ITPR2: variants seen among roughly 807,000 people sequenced by gnomAD.
ITPR2 encodes inositol 1,4,5-trisphosphate-gated calcium channel ITPR2.
A neutral mutation model predicts 317.1 loss-of-function variants in ITPR2; 207 were observed. The observed-to-expected ratio is 0.65, with a 90% CI of 0.58 to 0.73. The LOEUF (loss-of-function observed/expected upper bound fraction) is 0.73, where lower values mean the gene tolerates loss of function less well. ITPR2 is among the 30% of genes least tolerant of loss of function. The pLI, the probability that ITPR2 is intolerant of heterozygous loss-of-function variation, is 0.00. For missense variants in ITPR2, 2,613 were observed against 3,284.0 expected (o/e 0.80, Z 4.99); for synonymous variants, 1,156 against 1,149.1 (o/e 1.01, Z -0.12).
At chr12:26,410,008 C>A (rs1940490198) in intron 52 of ITPR2, among the ~76,000 whole-genome samples, 1 of 152,144 alleles carries the variant, frequency 6.6e-6, no homozygotes, top group Non-Finnish European at 1.5e-5. Flanking sequence ...GCATTTTAGC[C>A]AAGAGTCAGC....
At position 26,671,811 on chromosome 12, in the gene ITPR2, C is replaced by T. The variant is rs1279619292; in HGVS notation, c.1410-5760G>A. Among the ~76,000 whole-genome samples the T allele has an allele frequency of 3.9e-5, 6 of 152,244 alleles. No homozygotes were observed. In the South Asian group the frequency reaches 8.3e-4, roughly 21 times the overall value. On this transcript the variant is annotated intron_variant, in intron 13 of 56. Coordinates refer to ENST00000381340, the MANE Select transcript of ITPR2 (RefSeq NM_002223.4). ...TGCTGTATTCAGGCAACCTATCTCA[C>T]GTGCAGAGACACACATAGGCTCAAA...
At chr12:26,653,925 CT>C in intron 21 of ITPR2, 50 bp downstream of exon 21, 1 of 1,511,768 alleles carries the variant, frequency 6.6e-7, no homozygotes, top group Non-Finnish European at 9.1e-7. Context: ...TGTTTTTTAT[CT>C]TACTTCCAAG....
At chr12:26,786,449 T>TTTA (rs60115178) in intron 2 of ITPR2, among the ~76,000 whole-genome samples, 7 of 119,226 alleles carry the variant, frequency 5.9e-5, no homozygotes, top group Admixed American at 3.3e-4. Flanking sequence ...GAATGATCAA[T>TTTA]AAAAAAAAAA....
At chr12:26,557,542 G>A (rs978032730) in intron 35 of ITPR2, among the ~76,000 whole-genome samples, 2 of 152,200 alleles carry the variant, frequency 1.3e-5, no homozygotes, top group Non-Finnish European at 2.9e-5. Context: ...GGCAGCTTGA[G>A]GGTGTGAATC....
chr12:26,741,297 G>T (rs1426482300), intron 2 of ITPR2, among the ~76,000 whole-genome samples: 1 of 152,224 alleles, frequency 6.6e-6, no homozygotes, highest in Non-Finnish European at 1.5e-5. Flanking sequence ...AAGTTTAACA[G>T]GAGTAGCAAA....
chr12:26,752,590 A>G (rs1018803524), intron 2 of ITPR2, among the ~76,000 whole-genome samples: 8 of 152,230 alleles, frequency 5.3e-5, no homozygotes, highest in Admixed American at 5.2e-4. Context: ...CTCGTTGTTT[A>G]GCATATGATC....
chr12:26,786,578 T>G (rs187753159), intron 2 of ITPR2, among the ~76,000 whole-genome samples: 1 of 152,290 alleles, frequency 6.6e-6, no homozygotes, highest in East Asian at 1.9e-4. Context: ...TGGCTGTCCA[T>G]CAGGTTTGAA....
At chr12:26,628,416 TC>T (rs1306543605) in intron 22 of ITPR2, among the ~76,000 whole-genome samples, 1 of 152,230 alleles carries the variant, frequency 6.6e-6, no homozygotes, top group Non-Finnish European at 1.5e-5. Context: ...CTCTGAATAT[TC>T]CAGCTAGAGG....
chr12:26,460,742 T>C (rs1176718555), intron 45 of ITPR2, among the ~76,000 whole-genome samples: 1 of 152,186 alleles, frequency 6.6e-6, no homozygotes, highest in Non-Finnish European at 1.5e-5. Flanking sequence ...GTCCCGGAAT[T>C]TGATGCACTA....
chr12:26,384,010 T>A (rs1187661332), intron 55 of ITPR2, among the ~76,000 whole-genome samples: 1 of 152,240 alleles, frequency 6.6e-6, no homozygotes, highest in Non-Finnish European at 1.5e-5. Context: ...TCCAAAGCCC[T>A]ATTGATAAGC....
intron 32 of ITPR2, among the ~76,000 whole-genome samples, chr12:26,585,086 G>A (rs1216985852): frequency 6.6e-6 from 1 of 151,548 alleles, no homozygotes; most frequent in Non-Finnish European, 1.5e-5. Context: ...ATTAATTGTA[G>A]GAACTCTGAA....
At chr12:26,419,742 T>C (rs376855976) in intron 49 of ITPR2, 2 of 152,292 alleles carry the variant, frequency 1.3e-5, no homozygotes, top group East Asian at 1.9e-4. Flanking sequence ...ATGTTTTTAT[T>C]ATGCTGTAAA....
In ITPR2 at chr12:26,656,403, G is replaced by A. The variant is rs755467248; in HGVS notation, c.2338C>T (p.Arg780Cys). 11 of 1,614,084 alleles carry A rather than the reference G, an allele frequency of 6.8e-6. No individual in the cohort carries two copies. Among genetic ancestry groups the A allele is most frequent in the African/African-American group, 1.3e-5 (1 of 74,930 alleles). Residue 780 changes from arginine (R) to cysteine (C), a missense_variant, in exon 19 of 57, where the codon CGC (arginine) becomes TGC (cysteine). By Grantham distance (180) the Arg-to-Cys change is radical. Transcript: ENST00000381340. Reference protein sequence around the residue: ...LPFDLRASFCRLMLHMHVDRD... With the variant: ...LPFDLRASFCCLMLHMHVDRD... ...TCAACGTGCATGTGGAGCATGAGGC[G>A]ACAGAAGGACGCTCGGAGGTCGAAC...
intron 45 of ITPR2, among the ~76,000 whole-genome samples, chr12:26,468,405 T>A (rs944582942): frequency 6.6e-6 from 1 of 152,154 alleles, no homozygotes; most frequent in African/African-American, 2.4e-5. Context: ...GATTATGGAC[T>A]GCCAGAATGC....
intron 6 of ITPR2, 120 bp downstream of exon 6, chr12:26,716,024 T>C: frequency 1.4e-6 from 1 of 737,744 alleles, no homozygotes; most frequent in Non-Finnish European, 2.3e-6. Context: ...ACCTTAGGGA[T>C]ATTAATTAGA....
rs756067492 is a variant in ITPR2, at chr12:26,415,285, T to C, written c.7306+18A>G. On this transcript the variant is annotated intron_variant, in intron 51 of 56. Transcript: ENST00000381340. ...TATCTGCCATCAGAGAAACCTCATTTAGTGGTAATAGCAATACCTGTAACA... is the reference window on the plus strand; with the variant it reads ...TATCTGCCATCAGAGAAACCTCATTCAGTGGTAATAGCAATACCTGTAACA... 5 of 1,545,512 alleles carry C rather than the reference T, an allele frequency of 3.2e-6. No homozygotes were observed. The South Asian group carries it at 6.1e-5, about 19-fold the overall frequency.
chr12:26,580,754 A>G (rs1945385793), intron 32 of ITPR2, among the ~76,000 whole-genome samples: 1 of 152,204 alleles, frequency 6.6e-6, no homozygotes. Context: ...GGTCTCAGCC[A>G]AAGAGACAAT....
chr12:26,597,069 G>C lies in ITPR2; in HGVS notation c.4068C>G (p.Leu1356=), dbSNP rs1274380551. 6.2e-7 allele frequency: 1 copy of C among 1,613,912 alleles called. No homozygotes were observed. The highest frequency in any genetic ancestry group is 1.7e-5 in the Admixed American group (1 of 60,006). The change falls in exon 31 of 57, where the codon CTC becomes CTG. Residue 1356 remains leucine (L), a synonymous_variant. Transcript: ENST00000381340. ...YNDRASFPIL[L]HMMCSERDRG... is the part of the protein sequence containing the mutation. ...GGTCTCTCTCTGAACACATCATATG[G>C]AGAAGGATTGGAAATGATGCTCTAT...
chr12:26,751,203 T>C (rs764008015), intron 2 of ITPR2, among the ~76,000 whole-genome samples: 1 of 152,230 alleles, frequency 6.6e-6, no homozygotes, highest in Non-Finnish European at 1.5e-5. Flanking sequence ...AATACATATA[T>C]GTAACTTATA....
Sources: allele counts gnomAD v4.1 joint callset (sites outside exome capture counted in the v4.1 genomes callset), GRCh38; gene constraint gnomAD v4.1.1; transcripts MANE v1.5; gene names NCBI Gene and HGNC (gene_info 2026-07-23, HGNC 2026-07-21).